PTHLH: variants seen among roughly 807,000 people sequenced by gnomAD.
PTHLH encodes parathyroid hormone like hormone.
A neutral mutation model predicts 18.6 loss-of-function variants in PTHLH; 5 were observed. That is an observed-to-expected ratio of 0.27 (90% CI 0.14 to 0.56). The LOEUF (loss-of-function observed/expected upper bound fraction) is 0.56. PTHLH is among the 20% of genes least tolerant of loss of function. The pLI, the probability that PTHLH is intolerant of heterozygous loss-of-function variation, is 0.92. For synonymous variants in PTHLH, 90 were observed against 94.0 expected (o/e 0.96, Z 0.25); for missense variants, 207 against 223.9 (o/e 0.92, Z 0.48).
rs71450770 is a variant in PTHLH, at chr12:27,972,023, TAAAAAAAAAAAAAA to T, written c.-358-18_-358-5del. The T allele has an allele frequency of 1.8e-5, 1 of 55,350 alleles. No homozygotes were observed. Among genetic ancestry groups the T allele is most frequent in the Non-Finnish European group, 3.6e-5 (1 of 28,018 alleles). The allele number at this position is 55,350 out of a possible 1,614,324, so 3.4% of individuals were successfully genotyped here. On this transcript the variant is annotated splice_region_variant and splice_polypyrimidine_tract_variant and intron_variant, in intron 1 of 5. Transcript: ENST00000545234. ...CGTTAGATCTGAAGGGGGAAATCTG[TAAAAAAAAAAAAAA>T]AAAAAAAAAAAAAGTCAATCACAAA...
At chr12:27,970,325 G>T (rs2062858212) in intron 2 of PTHLH, 58 bp from the exon 3 acceptor site, 1 of 157,072 alleles carries the variant, frequency 6.4e-6, no homozygotes, top group South Asian at 1.5e-4. Context: ...CGCGCGGGGC[G>T]AGCGAGGGCG....
intron 4 of PTHLH, among the ~76,000 whole-genome samples, chr12:27,967,409 A>G (rs963258826): frequency 2.6e-5 from 4 of 152,252 alleles, no homozygotes; most frequent in African/African-American, 7.2e-5. Context: ...ATACTTCTAA[A>G]GCAGTTTCCC....
At chr12:27,960,360 A>G (rs2062743144) in intron 5 of PTHLH, among the ~76,000 whole-genome samples, 1 of 152,160 alleles carries the variant, frequency 6.6e-6, no homozygotes. Flanking sequence ...ATTTAAAGCT[A>G]TATATTTTTC....
intron 3 of PTHLH, 148 bp downstream of exon 3, chr12:27,969,877 G>A (rs2062853371): frequency 1.9e-6 from 1 of 523,846 alleles, no homozygotes; most frequent in Non-Finnish European, 3.8e-6. Flanking sequence ...CTGGCCAGCA[G>A]TTCTCCTGGG....
chr12:27,963,576 T>A lies in PTHLH; in HGVS notation c.296A>T (p.Asp99Val), dbSNP rs1244684708. ...KNHPVRFGSD[D>V]EGRYLTQETN... Reference sequence around the variant, plus strand: ...TTCCTGAGTTAGGTATCTGCCCTCATCATCAGACCCAAATCGGACGGGGTG... The same window carrying A: ...TTCCTGAGTTAGGTATCTGCCCTCAACATCAGACCCAAATCGGACGGGGTG... Residue 99 changes from aspartate (D) to valine (V), a missense_variant, in exon 5 of 6, where the codon GAT becomes GTT. By Grantham distance (152) the Asp-to-Val change is radical. Coordinates refer to ENST00000545234, the MANE Select transcript of PTHLH (RefSeq NM_198965.2). The A allele has an allele frequency of 8.1e-6, 13 of 1,614,080 alleles. No individual in the cohort carries two copies. The highest frequency in any genetic ancestry group is 1.3e-5 in the African/African-American group (1 of 74,930).
intron 4 of PTHLH, among the ~76,000 whole-genome samples, chr12:27,967,989 CT>C (rs11287167): frequency 0.015 from 2,352 of 152,248 alleles, 64 homozygotes; most frequent in African/African-American, 0.054. Context: ...GGTAGTATTT[CT>C]TAGCCAAATA....
intron 4 of PTHLH, among the ~76,000 whole-genome samples, chr12:27,968,703 T>C (rs1159966698): frequency 1.3e-5 from 2 of 152,188 alleles, no homozygotes; most frequent in Non-Finnish European, 2.9e-5. Flanking sequence ...AAGTTTTCAG[T>C]CTACAATGCA....
intron 5 of PTHLH, among the ~76,000 whole-genome samples, chr12:27,959,623 T>C (rs2062737737): frequency 6.6e-6 from 1 of 152,196 alleles, no homozygotes; most frequent in East Asian, 1.9e-4. Flanking sequence ...ATGGCAGACA[T>C]ATATGGGTGT....
intron 4 of PTHLH, among the ~76,000 whole-genome samples, chr12:27,966,354 T>C (rs1270662496): frequency 2.6e-5 from 4 of 152,274 alleles, no homozygotes; most frequent in Admixed American, 2.6e-4. Flanking sequence ...ACACAAGTTT[T>C]CTTAAATGCT....
chr12:27,970,070 C>T lies in PTHLH; in HGVS notation c.-68G>A. On this transcript the variant is annotated 5_prime_UTR_variant, in exon 3 of 6. Coordinates refer to ENST00000545234, the MANE Select transcript of PTHLH (RefSeq NM_198965.2). ...CTTCCGGAAAGTTGATTCCACACAC[C>T]CTGAGAACAAGTTTCAAGTGCGTGT... The T allele has an allele frequency of 1.9e-6, 1 of 519,034 alleles. No individual in the cohort carries two copies. The highest frequency in any genetic ancestry group is 1.4e-5 in the South Asian group (1 of 71,596). 32.2% of individuals were successfully genotyped at this position (519,034 alleles called of 1,614,324 possible). A position where few individuals can be genotyped will look rare whatever the true frequency, so the allele number is the denominator to read the frequency against.
intron 5 of PTHLH, among the ~76,000 whole-genome samples, chr12:27,961,301 G>GTATATATATACGTATAT (rs1565520098): frequency 3.5e-5 from 3 of 84,552 alleles, no homozygotes; most frequent in Non-Finnish European, 7.4e-5. Flanking sequence ...ATATATATAC[G>GTATATATATACGTATAT]TATATATATA....
intron 2 of PTHLH, 126 bp from the exon 3 acceptor site, chr12:27,970,393 G>C (rs1405142848): frequency 6.8e-6 from 1 of 148,114 alleles, no homozygotes; most frequent in Non-Finnish European, 1.5e-5. Context: ...CGGCCCGAAC[G>C]GGCCCCGCGC....
Position 27,970,266 on chromosome 12 carries a change from A to C in PTHLH, c.-264T>G, listed in dbSNP as rs2062857368. The C allele has an allele frequency of 2.4e-6, 1 of 411,294 alleles. No homozygotes were observed. Among genetic ancestry groups the C allele is most frequent in the African/African-American group, 2.1e-5 (1 of 48,666 alleles). 25.5% of individuals were successfully genotyped at this position (411,294 alleles called of 1,614,324 possible). A position where few individuals can be genotyped will look rare whatever the true frequency, so the allele number is the denominator to read the frequency against. The stretch of plus-strand genomic sequence containing the variant: ...GGAATGTTCACACGCTCCGAGGCAA[A>C]CCTGCCGGAGAAGTGAGCTAGTCGC... On this transcript the variant is annotated splice_region_variant and 5_prime_UTR_variant, in exon 3 of 6. Transcript: ENST00000545234.
chr12:27,963,210 C>A, intron 5 of PTHLH, 138 bp downstream of exon 5: 1 of 1,540,520 alleles, frequency 6.5e-7, no homozygotes, highest in Non-Finnish European at 8.7e-7. Context: ...CTGAGTTATT[C>A]TCTGTCAATT....
chr12:27,969,717 C>G, intron 3 of PTHLH: 1 of 747,690 alleles, frequency 1.3e-6, no homozygotes, highest in Non-Finnish European at 2.5e-6. Flanking sequence ...GTGCTTTCTC[C>G]AAACCACACA....
chr12:27,963,535 T>C lies in PTHLH; in HGVS notation c.337A>G (p.Thr113Ala). Reference protein sequence around the residue: ...YLTQETNKVETYKEQPLKTPG... With the variant: ...YLTQETNKVEAYKEQPLKTPG... Reference sequence around the variant, plus strand: ...GTCTTGAGCGGCTGCTCTTTGTACGTCTCCACCTTGTTAGTTTCCTGAGTT... The same window carrying C: ...GTCTTGAGCGGCTGCTCTTTGTACGCCTCCACCTTGTTAGTTTCCTGAGTT... Residue 113 changes from threonine to alanine, a missense_variant, in exon 5 of 6, where the codon ACG (threonine) becomes GCG (alanine). Coordinates refer to ENST00000545234, the MANE Select transcript of PTHLH (RefSeq NM_198965.2). The C allele has an allele frequency of 3.1e-6, 5 of 1,614,220 alleles. No individual in the cohort carries two copies. Among genetic ancestry groups the C allele is most frequent in the Non-Finnish European group, 4.2e-6 (5 of 1,180,038 alleles).
At chr12:27,971,349 G>T (rs970100295) in intron 2 of PTHLH, among the ~76,000 whole-genome samples, 1 of 152,080 alleles carries the variant, frequency 6.6e-6, no homozygotes, top group African/African-American at 2.4e-5. Flanking sequence ...TCTAGGAAAG[G>T]ATTGCAGCGG....
intron 2 of PTHLH, among the ~76,000 whole-genome samples, chr12:27,970,762 C>T (rs949582786): frequency 6.6e-6 from 1 of 152,124 alleles, no homozygotes; most frequent in Admixed American, 6.5e-5. Flanking sequence ...CGCGGGCAAC[C>T]GGGAGCCTGC....
At chr12:27,962,960 A>G in intron 5 of PTHLH, 1 of 1,127,964 alleles carries the variant, frequency 8.9e-7, no homozygotes. Context: ...GTAAGAAATG[A>G]AAAACACTGA....
Sources: allele counts gnomAD v4.1 joint callset (sites outside exome capture counted in the v4.1 genomes callset), GRCh38; gene constraint gnomAD v4.1.1; transcripts MANE v1.5; gene names NCBI Gene and HGNC (gene_info 2026-07-23, HGNC 2026-07-21).